MAGI2: variants seen among roughly 807,000 people sequenced by gnomAD.
MAGI2 encodes membrane associated guanylate kinase, WW and PDZ domain containing 2, also known as membrane-associated guanylate kinase, WW and PDZ domain-containing protein 2.
A neutral mutation model predicts 133.3 loss-of-function variants in MAGI2; 35 were observed. The observed-to-expected ratio is 0.26, with a 90% confidence interval of 0.20 to 0.35. The LOEUF is 0.35. Among genes scored for constraint, MAGI2 ranks in the 10% least tolerant of loss-of-function variants. The probability of loss-of-function intolerance (pLI) is 1.00; values close to 1 mark genes in which losing one functional copy is unlikely to be tolerated. For missense variants in MAGI2, 1,636 were observed against 1,863.4 expected (o/e 0.88, Z 2.25); for synonymous variants, 729 against 710.6 (o/e 1.03, Z -0.41).
intron 2 of MAGI2, among the ~76,000 whole-genome samples, chr7:78,787,920 T>C (rs1333298820): frequency 3.3e-5 from 5 of 152,214 alleles, no homozygotes; most frequent in Non-Finnish European, 7.3e-5. Flanking sequence ...ACAAATCCCA[T>C]AGTTTGATTT....
In MAGI2 at chr7:78,452,098, C is replaced by G. The variant is rs115812845; in HGVS notation, c.1045+37663G>C. On this transcript the variant is annotated intron_variant, in intron 6 of 21. Transcript: ENST00000354212. ...ATGATAGAAACTAACGTTGCTTGGG[C>G]CAGGCACTTTACTGAGTGTGGACTG... 3.1e-3 allele frequency among the ~76,000 whole-genome samples: 477 copies of G among 152,064 alleles called. 1 individual carries two copies. Among genetic ancestry groups the G allele is most frequent in the African/African-American group, 0.011 (452 of 41,494 alleles).
At chr7:79,351,664 A>C (rs2129110217) in intron 1 of MAGI2, 1 of 152,330 alleles carries the variant, frequency 6.6e-6, no homozygotes, top group East Asian at 1.9e-4. Context: ...AAATGTACAA[A>C]ATTATTACAA....
intron 6 of MAGI2, among the ~76,000 whole-genome samples, chr7:78,400,273 C>G (rs1221231974): frequency 6.6e-6 from 1 of 152,136 alleles, no homozygotes; most frequent in East Asian, 1.9e-4. Flanking sequence ...TGGAGGCTTT[C>G]TACTTAAACT....
At chr7:79,452,938 C>T in intron 1 of MAGI2, 82 bp downstream of exon 1, 2 of 1,437,506 alleles carry the variant, frequency 1.4e-6, no homozygotes, top group Non-Finnish European at 1.9e-6. Context: ...CCCCCTTCAA[C>T]ATGCGCGGCC....
At chr7:78,997,679 T>C (rs1270079151) in intron 2 of MAGI2, among the ~76,000 whole-genome samples, 1 of 152,082 alleles carries the variant, frequency 6.6e-6, no homozygotes, top group Non-Finnish European at 1.5e-5. Context: ...CATATCAGTC[T>C]TACCTTTTAA....
chr7:78,206,576 C>G (rs1584390513), intron 10 of MAGI2, among the ~76,000 whole-genome samples: 2 of 152,248 alleles, frequency 1.3e-5, no homozygotes, highest in South Asian at 2.1e-4. Context: ...CAGGCGTGAG[C>G]CACCGCGCCT....
At chr7:78,274,107 C>T (rs778441648) in intron 9 of MAGI2, among the ~76,000 whole-genome samples, 9 of 152,166 alleles carry the variant, frequency 5.9e-5, no homozygotes, top group East Asian at 1.9e-4. Context: ...TGGGGACCTT[C>T]GGATGGAGTT....
intron 10 of MAGI2, among the ~76,000 whole-genome samples, chr7:78,218,117 T>C (rs975628385): frequency 6.6e-6 from 1 of 152,224 alleles, no homozygotes; most frequent in African/African-American, 2.4e-5. Flanking sequence ...CTCTGAAGTT[T>C]TCAAGAATAT....
intron 6 of MAGI2, among the ~76,000 whole-genome samples, chr7:78,425,967 C>T (rs1799238300): frequency 6.6e-6 from 1 of 151,978 alleles, no homozygotes; most frequent in South Asian, 2.1e-4. Flanking sequence ...GAAAACAATA[C>T]CAAAATTGTG....
At chr7:78,818,185 T>C (rs1267584085) in intron 2 of MAGI2, among the ~76,000 whole-genome samples, 2 of 152,176 alleles carry the variant, frequency 1.3e-5, no homozygotes, top group Non-Finnish European at 2.9e-5. Context: ...TGTGAAGCTT[T>C]GTATTTGAAG....
intron 3 of MAGI2, among the ~76,000 whole-genome samples, chr7:78,595,475 C>A (rs191826003): frequency 1.3e-5 from 2 of 152,288 alleles, no homozygotes; most frequent in Admixed American, 1.3e-4. Context: ...CAAAGCACTT[C>A]ACGTTTTGCC....
At chr7:78,663,143 G>A (rs528323629) in intron 2 of MAGI2, among the ~76,000 whole-genome samples, 18 of 150,078 alleles carry the variant, frequency 1.2e-4, no homozygotes, top group African/African-American at 4.2e-4. Flanking sequence ...TCTTCTATTT[G>A]GTTACCATGG....
At chr7:79,217,671 T>A (rs1830123083) in intron 1 of MAGI2, among the ~76,000 whole-genome samples, 1 of 152,064 alleles carries the variant, frequency 6.6e-6, no homozygotes, top group African/African-American at 2.4e-5. Context: ...GACTAAGAAC[T>A]AGACCTTTGT....
At chr7:78,524,241 G>C (rs79336259) in intron 3 of MAGI2, among the ~76,000 whole-genome samples, 1 of 152,172 alleles carries the variant, frequency 6.6e-6, no homozygotes, top group Non-Finnish European at 1.5e-5. Context: ...GCCTCTCCCT[G>C]CCCCTGCTAC....
chr7:78,670,631 A>G (rs4730437), intron 2 of MAGI2, among the ~76,000 whole-genome samples: 9,475 of 152,258 alleles, frequency 0.062, 420 homozygotes, highest in East Asian at 0.11. Context: ...CTAAGCCAAA[A>G]GAACAAAGCC....
chr7:78,134,188 T>A (rs1361723589), intron 17 of MAGI2: 3 of 152,228 alleles, frequency 2.0e-5, no homozygotes, highest in Non-Finnish European at 4.4e-5. Context: ...TACTGTTTTA[T>A]ATTTAAAGTC....
At chr7:78,383,221 T>C (rs1357834668) in intron 6 of MAGI2, among the ~76,000 whole-genome samples, 1 of 152,142 alleles carries the variant, frequency 6.6e-6, no homozygotes, top group Non-Finnish European at 1.5e-5. Context: ...TGAATTACAT[T>C]GCCACCAACA....
intron 6 of MAGI2, among the ~76,000 whole-genome samples, chr7:78,446,593 G>C (rs1478052980): frequency 6.6e-6 from 1 of 152,058 alleles, no homozygotes; most frequent in East Asian, 1.9e-4. Flanking sequence ...ACCAGATTTT[G>C]TTACCAGTAG....
chr7:78,451,383 C>T (rs959877246), intron 6 of MAGI2, among the ~76,000 whole-genome samples: 5 of 152,052 alleles, frequency 3.3e-5, no homozygotes, highest in African/African-American at 1.2e-4. Context: ...ACCTACTTAA[C>T]ATTTGAGTGC....
Sources: allele counts gnomAD v4.1 joint callset (sites outside exome capture counted in the v4.1 genomes callset), GRCh38; gene constraint gnomAD v4.1.1; transcripts MANE v1.5; gene names NCBI Gene and HGNC (gene_info 2026-07-23, HGNC 2026-07-21).